Variants in RBFOX1 observed in about 807,000 individuals in gnomAD.
RBFOX1 encodes the protein RNA binding fox-1 homolog 1.
RBFOX1 carries 8 observed loss-of-function variants against 57.7 expected under a neutral mutation model. That is an observed-to-expected ratio of 0.14 (90% confidence interval 0.08 to 0.25). RBFOX1 has a LOEUF of 0.25. RBFOX1 is among the 10% of genes least tolerant of loss of function. RBFOX1 has a pLI of 1.00. For synonymous variants in RBFOX1, 326 were observed against 222.4 expected, an observed-to-expected ratio of 1.47 and a Z score of -4.15; for missense variants, 611 against 548.5, an observed-to-expected ratio of 1.11 and a Z score of -1.14.
chr16:5,866,396 A>G (rs963410058), intron 3 of RBFOX1, among the ~76,000 whole-genome samples: 1 of 152,228 alleles, frequency 6.6e-6, no homozygotes, highest in South Asian at 2.1e-4. Flanking sequence ...GGGGTTCATT[A>G]TATGAATTTT....
chr16:5,801,492 G>C (rs1049324406), intron 3 of RBFOX1, among the ~76,000 whole-genome samples: 2 of 152,052 alleles, frequency 1.3e-5, no homozygotes, highest in South Asian at 2.1e-4. Flanking sequence ...AGCAGTCATC[G>C]GGCAGTTACT....
chr16:7,286,795 G>GT lies in RBFOX1; in HGVS notation c.28-231347dup, dbSNP rs540578706. Reference sequence around the variant, plus strand: ...CCTGCCACCATGCCTGGCTAATTTTGTTTTTGTATTTTTAGTAGAGACAGG... The same window carrying GT: ...CCTGCCACCATGCCTGGCTAATTTTGTTTTTTGTATTTTTAGTAGAGACAGG... On this transcript the variant is annotated intron_variant, in intron 4 of 15. Coordinates refer to ENST00000550418, the MANE Select transcript of RBFOX1 (RefSeq NM_018723.4). Among the ~76,000 whole-genome samples the GT allele has an allele frequency of 1.2e-4, 18 of 151,064 alleles. No homozygotes were observed. The South Asian group carries it at 2.1e-3, about 18-fold the overall frequency.
chr16:7,392,314 C>T (rs965089763), intron 4 of RBFOX1, among the ~76,000 whole-genome samples: 8 of 152,148 alleles, frequency 5.3e-5, no homozygotes, highest in Non-Finnish European at 7.3e-5. Context: ...CTCCAGATCA[C>T]GTCCCAAAAT....
intron 11 of RBFOX1, 49 bp downstream of exon 11, chr16:7,630,732 C>G (rs1568184976): frequency 6.2e-7 from 1 of 1,610,398 alleles, no homozygotes; most frequent in East Asian, 2.2e-5. Context: ...AAATCTGAGT[C>G]CAATCACCTT....
intron 3 of RBFOX1, among the ~76,000 whole-genome samples, chr16:5,695,730 C>G (rs1010869982): frequency 1.3e-5 from 2 of 152,248 alleles, no homozygotes; most frequent in East Asian, 1.9e-4. Context: ...ATCTAAGGAT[C>G]TAGTGGACAG....
chr16:5,539,364 G>A (rs575317261), intron 2 of RBFOX1, among the ~76,000 whole-genome samples: 9 of 151,780 alleles, frequency 5.9e-5, no homozygotes, highest in South Asian at 4.2e-4. Context: ...AGGCTGAGGC[G>A]GGTGGATCAC....
intron 2 of RBFOX1, among the ~76,000 whole-genome samples, chr16:6,611,831 G>C (rs1159297205): frequency 6.6e-6 from 1 of 152,040 alleles, no homozygotes; most frequent in Non-Finnish European, 1.5e-5. Context: ...CCTCCTCCAA[G>C]GCCCTGTCTC....
intron 2 of RBFOX1, among the ~76,000 whole-genome samples, chr16:5,592,215 G>A (rs1406190796): frequency 2.6e-5 from 4 of 151,952 alleles, no homozygotes; most frequent in Non-Finnish European, 5.9e-5. Flanking sequence ...TGACTGGGGC[G>A]AAGCTCTTTA....
chr16:5,785,379 G>T (rs1359372720), intron 3 of RBFOX1, among the ~76,000 whole-genome samples: 2 of 152,084 alleles, frequency 1.3e-5, no homozygotes, highest in Non-Finnish European at 2.9e-5. Context: ...CCAGGCATGG[G>T]GGTGGTGGGG....
chr16:6,168,854 C>T (rs1463835217), intron 1 of RBFOX1, among the ~76,000 whole-genome samples: 1 of 151,174 alleles, frequency 6.6e-6, no homozygotes, highest in African/African-American at 2.4e-5. Context: ...AGTGGATTCT[C>T]TCTGGGGTCC....
At chr16:5,613,809 T>C (rs2047915059) in intron 3 of RBFOX1, among the ~76,000 whole-genome samples, 2 of 152,158 alleles carry the variant, frequency 1.3e-5, no homozygotes, top group Admixed American at 6.5e-5. Context: ...ATGGGGTTTT[T>C]TTTTTTCTTC....
intron 4 of RBFOX1, among the ~76,000 whole-genome samples, chr16:7,408,527 C>T (rs1386562155): frequency 6.6e-6 from 1 of 152,180 alleles, no homozygotes; most frequent in African/African-American, 2.4e-5. Flanking sequence ...CTTTTCATCT[C>T]TCTAGACTGC....
chr16:6,735,104 A>T (rs2069774380), intron 3 of RBFOX1, among the ~76,000 whole-genome samples: 1 of 152,150 alleles, frequency 6.6e-6, no homozygotes, highest in Non-Finnish European at 1.5e-5. Context: ...ATGATTAAAC[A>T]ACTGTATACA....
rs188165440 is a variant in RBFOX1 at position 6,531,544 on chromosome 16, T to A, written c.-63-123059T>A. On this transcript the variant is annotated intron_variant, in intron 2 of 15. Coordinates refer to ENST00000550418, the MANE Select transcript of RBFOX1 (RefSeq NM_018723.4). ...TCATAGTTTTTAATTTTAATATCAT[T>A]GGCTTTTGGAAAATACCTATTGTTT... 1.8e-4 allele frequency among the ~76,000 whole-genome samples: 28 copies of A among 152,320 alleles called. No homozygotes were observed. The East Asian group carries it at 3.3e-3, about 18-fold the overall frequency.
At chr16:6,553,879 G>C (rs999467964) in intron 2 of RBFOX1, among the ~76,000 whole-genome samples, 1 of 152,132 alleles carries the variant, frequency 6.6e-6, no homozygotes, top group African/African-American at 2.4e-5. Context: ...TTACCTTCCT[G>C]GGAGTCGGTT....
chr16:5,724,175 C>G (rs1192000876), intron 3 of RBFOX1, among the ~76,000 whole-genome samples: 1 of 152,062 alleles, frequency 6.6e-6, no homozygotes, highest in African/African-American at 2.4e-5. Flanking sequence ...ATGTTTTTTC[C>G]TGAGTGGCAA....
chr16:7,047,981 C>G (rs555043373), intron 3 of RBFOX1, among the ~76,000 whole-genome samples: 1 of 141,600 alleles, frequency 7.1e-6, no homozygotes, highest in Non-Finnish European at 1.5e-5. Context: ...CGGGTTCAAG[C>G]GATTCTCCTG....
chr16:5,324,621 G>A (rs564887687), intron 1 of RBFOX1, among the ~76,000 whole-genome samples: 4 of 152,266 alleles, frequency 2.6e-5, no homozygotes, highest in African/African-American at 9.6e-5. Context: ...GAAATGTTAC[G>A]CAGCCATACA....
intron 2 of RBFOX1, among the ~76,000 whole-genome samples, chr16:6,568,483 G>C (rs867597340): frequency 6.6e-6 from 1 of 152,166 alleles, no homozygotes; most frequent in South Asian, 2.1e-4. Context: ...GGAAGCCATA[G>C]TCTTTTATAA....
Sources: allele counts gnomAD v4.1 joint callset (sites outside exome capture counted in the v4.1 genomes callset), GRCh38; gene constraint gnomAD v4.1.1; transcripts MANE v1.5; gene names NCBI Gene and HGNC (gene_info 2026-07-23, HGNC 2026-07-21).